The following KALRN variants were observed in gnomAD, a reference collection of about 807,000 sequenced individuals.
KALRN encodes the protein kalirin RhoGEF kinase, also known as kalirin.
KALRN carries 70 observed loss-of-function variants against 353.7 expected under a neutral mutation model. The observed-to-expected ratio is 0.20, with a 90% CI of 0.16 to 0.24. The LOEUF is 0.24. Among genes scored for constraint, KALRN ranks in the 10% least tolerant of loss-of-function variants. The probability of loss-of-function intolerance (pLI) is 1.00; values close to 1 mark genes in which losing one functional copy is unlikely to be tolerated. For missense variants in KALRN, 2,791 were observed against 3,756.7 expected, an observed-to-expected ratio of 0.74 and a Z score of 6.72; for synonymous variants, 1,391 against 1,434.8, an observed-to-expected ratio of 0.97 and a Z score of 0.69.
chr3:124,068,487 G>A (rs945343944), intron 1 of KALRN, among the ~76,000 whole-genome samples: 4 of 152,202 alleles, frequency 2.6e-5, no homozygotes, highest in African/African-American at 9.7e-5. Flanking sequence ...TGCTGAGTGT[G>A]CTATAGAGTG....
At chr3:124,367,869 AC>A (rs1318537857) in intron 10 of KALRN, among the ~76,000 whole-genome samples, 1 of 9,486 alleles carries the variant, frequency 1.1e-4, no homozygotes, top group Admixed American at 9.6e-4. Flanking sequence ...CGGGGGGCTG[AC>A]CCCCCCACTT....
In KALRN at chr3:124,411,286, G is replaced by T. The variant is rs116537741; in HGVS notation, c.2347-2184G>T. On this transcript the variant is annotated intron_variant, in intron 13 of 59. Coordinates refer to ENST00000682506, the MANE Select transcript of KALRN (RefSeq NM_001388419.1). Reference sequence around the variant, plus strand: ...AGTTTATTTTTGGCGATGACTACATGGGTGTATAAAATTGTCAAGACTCAG... The same window carrying T: ...AGTTTATTTTTGGCGATGACTACATTGGTGTATAAAATTGTCAAGACTCAG... 2.3e-3 allele frequency among the ~76,000 whole-genome samples: 345 copies of T among 152,024 alleles called. 1 individual carries two copies. The highest frequency in any genetic ancestry group is 0.01 in the Middle Eastern group (3 of 292).
intron 18 of KALRN, 53 bp from the exon 19 acceptor site, chr3:124,441,892 T>C: frequency 8.6e-7 from 1 of 1,165,052 alleles, no homozygotes; most frequent in Non-Finnish European, 1.2e-6. Context: ...CTCCATTGTC[T>C]TGGATTCCAT....
intron 1 of KALRN, among the ~76,000 whole-genome samples, chr3:124,084,975 AC>A (rs1194204582): frequency 1.3e-5 from 2 of 152,060 alleles, no homozygotes; most frequent in Non-Finnish European, 2.9e-5. Flanking sequence ...CCACATCTTC[AC>A]AGTCTTCTGA....
At chr3:124,082,798 A>G (rs1026292866) in intron 1 of KALRN, among the ~76,000 whole-genome samples, 2 of 152,232 alleles carry the variant, frequency 1.3e-5, no homozygotes, top group Non-Finnish European at 2.9e-5. Flanking sequence ...TGCTTGGGTA[A>G]ATAAACCACC....
At chr3:124,469,119 A>G (rs943824874) in intron 25 of KALRN, among the ~76,000 whole-genome samples, 1 of 152,268 alleles carries the variant, frequency 6.6e-6, no homozygotes, top group African/African-American at 2.4e-5. Context: ...TAAACTTGGT[A>G]TATATCTATG....
At chr3:124,092,439 T>C (rs749475704) in intron 1 of KALRN, among the ~76,000 whole-genome samples, 10 of 152,214 alleles carry the variant, frequency 6.6e-5, no homozygotes, top group Non-Finnish European at 1.2e-4. Context: ...AGATGCACTC[T>C]CTCTGCAGTT....
chr3:124,140,130 C>G (rs2066445709), intron 1 of KALRN, among the ~76,000 whole-genome samples: 1 of 152,140 alleles, frequency 6.6e-6, no homozygotes, highest in South Asian at 2.1e-4. Flanking sequence ...TCCGGTCAAT[C>G]GTTGACTAAC....
At chr3:124,627,660 CT>C (rs1390156801) in intron 34 of KALRN, among the ~76,000 whole-genome samples, 2 of 152,216 alleles carry the variant, frequency 1.3e-5, no homozygotes, top group Non-Finnish European at 2.9e-5. Flanking sequence ...GAATGAAAAG[CT>C]TCTGCAAACT....
chr3:124,395,311 G>A lies in KALRN; in HGVS notation c.2139G>A (p.Ala713=), dbSNP rs771916960. The A allele has an allele frequency of 3.1e-6, 5 of 1,613,434 alleles. No individual in the cohort carries two copies. Among genetic ancestry groups the A allele is most frequent in the African/African-American group, 1.3e-5 (1 of 74,882 alleles). The part of the protein sequence containing the change: ...GEDLIQQLRS[A]PPSLGEPSEA... ...ACCTTATCCAGCAGCTCAGGTCAGC[G>A]CCTCCCTCCCTCGGGGAGCCCAGCG... Residue 713 remains alanine, a synonymous_variant, in exon 12 of 60, where the codon GCG becomes GCA. Transcript: ENST00000682506.
chr3:124,672,393 T>C (rs890995580), intron 48 of KALRN, among the ~76,000 whole-genome samples: 4 of 152,232 alleles, frequency 2.6e-5, no homozygotes, highest in Admixed American at 6.5e-5. Flanking sequence ...TAAAAATGGA[T>C]GATTTTTGCT....
rs530184164 is a variant in KALRN, at chr3:124,549,350, T to C, written c.4936-13493T>C. On this transcript the variant is annotated intron_variant, in intron 33 of 59. Transcript: ENST00000682506. ...ACACACACACACACACACACACACA[T>C]AATCACACACACACATAATCTCACA... Among the ~76,000 whole-genome samples, 829 of 125,898 alleles carry C rather than the reference T, an allele frequency of 6.6e-3. 6 individuals carry two copies. The highest frequency in any genetic ancestry group is 0.012 in the South Asian group (46 of 3,922). The allele number at this position is 125,898 out of a possible 152,430, so 82.6% of individuals were successfully genotyped here.
At chr3:124,148,789 A>G (rs1016343498) in intron 1 of KALRN, among the ~76,000 whole-genome samples, 4 of 152,304 alleles carry the variant, frequency 2.6e-5, no homozygotes, top group Admixed American at 2.0e-4. Context: ...ATATTCATAT[A>G]TGATTACCTG....
chr3:124,691,799 C>T (rs1478107234), intron 51 of KALRN, among the ~76,000 whole-genome samples: 1 of 152,188 alleles, frequency 6.6e-6, no homozygotes, highest in Non-Finnish European at 1.5e-5. Context: ...CTTTAGTGCC[C>T]CCCTACAGGT....
chr3:124,643,449 T>C (rs939457610), intron 37 of KALRN, among the ~76,000 whole-genome samples: 2 of 152,226 alleles, frequency 1.3e-5, no homozygotes, highest in Non-Finnish European at 2.9e-5. Context: ...GATCTCATGC[T>C]TTTTGTCCAG....
At chr3:124,610,459 T>C (rs35900636) in intron 34 of KALRN, among the ~76,000 whole-genome samples, 13,996 of 152,092 alleles carry the variant, frequency 0.092, 811 homozygotes, top group South Asian at 0.12. Flanking sequence ...TAGAGGGCTC[T>C]GGGGGGACAA....
chr3:124,347,783 A>G (rs1581211928), intron 10 of KALRN, among the ~76,000 whole-genome samples: 1 of 152,132 alleles, frequency 6.6e-6, no homozygotes, highest in Non-Finnish European at 1.5e-5. Flanking sequence ...CTCACCAGCC[A>G]TGCGCTCACA....
intron 58 of KALRN, among the ~76,000 whole-genome samples, chr3:124,717,041 T>C (rs332506): frequency 0.74 from 112,722 of 152,120 alleles, 43,229 homozygotes; most frequent in African/African-American, 0.93. Context: ...CCCTGCAGTA[T>C]ACCATATTTG....
At chr3:124,182,471 G>A (rs192246360) in intron 1 of KALRN, among the ~76,000 whole-genome samples, 165 of 152,312 alleles carry the variant, frequency 1.1e-3, no homozygotes, top group African/African-American at 3.6e-3. Flanking sequence ...TGTTATGTGG[G>A]CCTCTCCAAC....
Sources: gnomAD v4.1 joint callset for allele counts (sites outside exome capture counted in the v4.1 genomes callset) on GRCh38, gnomAD v4.1.1 for gene constraint, MANE v1.5 for transcripts, NCBI Gene and HGNC (gene_info 2026-07-23, HGNC 2026-07-21) for gene names.